CMIP: variants seen among roughly 807,000 people sequenced by gnomAD.
CMIP encodes C-Maf-inducing protein.
Under a neutral mutation model 97.3 loss-of-function variants are expected in CMIP, and 13 were observed. The observed-to-expected ratio is 0.13, with a 90% CI of 0.09 to 0.21. The LOEUF is 0.21. CMIP is among the 10% of genes least tolerant of loss of function. The probability of loss-of-function intolerance (pLI) is 1.00; values close to 1 mark genes in which losing one functional copy is unlikely to be tolerated. For synonymous variants in CMIP, 538 were observed against 436.3 expected (o/e 1.23, Z -2.91); for missense variants, 847 against 1,024.9 (o/e 0.83, Z 2.37).
intron 1 of CMIP, among the ~76,000 whole-genome samples, chr16:81,556,415 G>A (rs375189306): frequency 2.0e-5 from 3 of 152,228 alleles, no homozygotes; most frequent in African/African-American, 7.2e-5. Flanking sequence ...AAAATTGATG[G>A]ATCACATAGT....
chr16:81,551,944 T>C (rs1174997848), intron 1 of CMIP, among the ~76,000 whole-genome samples: 2 of 152,224 alleles, frequency 1.3e-5, no homozygotes, highest in Non-Finnish European at 2.9e-5. Context: ...TCAGTCACCA[T>C]GGACGCTGTT....
intron 1 of CMIP, among the ~76,000 whole-genome samples, chr16:81,542,898 C>T (rs1248921929): frequency 2.6e-5 from 4 of 152,234 alleles, no homozygotes; most frequent in Non-Finnish European, 4.4e-5. Context: ...TCCATAGCAC[C>T]GTCCCTAGCA....
intron 3 of CMIP, among the ~76,000 whole-genome samples, chr16:81,625,121 T>A (rs143992697): frequency 6.6e-6 from 1 of 152,274 alleles, no homozygotes; most frequent in African/African-American, 2.4e-5. Flanking sequence ...CATCTTTGCC[T>A]CTTTCTCTGA....
chr16:81,594,079 C>T (rs1177923773), intron 1 of CMIP, among the ~76,000 whole-genome samples: 1 of 103,022 alleles, frequency 9.7e-6, no homozygotes, highest in African/African-American at 3.9e-5. Context: ...CCCTCTTCCC[C>T]CGCTCCTCCT....
At chr16:81,455,464 G>C (rs1597445357) in intron 1 of CMIP, among the ~76,000 whole-genome samples, 1 of 152,256 alleles carries the variant, frequency 6.6e-6, no homozygotes, top group African/African-American at 2.4e-5. Flanking sequence ...GACCCACGGA[G>C]AGGGAGGCGC....
At chr16:81,446,003 C>T (rs1905817499) in intron 1 of CMIP, among the ~76,000 whole-genome samples, 1 of 152,078 alleles carries the variant, frequency 6.6e-6, no homozygotes, top group South Asian at 2.1e-4. Flanking sequence ...CCTCCAAACC[C>T]CCAAACCCAA....
chr16:81,698,760 C>G (rs1038546519), intron 14 of CMIP, among the ~76,000 whole-genome samples: 2 of 152,170 alleles, frequency 1.3e-5, no homozygotes, highest in Non-Finnish European at 2.9e-5. Flanking sequence ...TACACACTGA[C>G]TCCCCCTTCC....
intron 1 of CMIP, among the ~76,000 whole-genome samples, chr16:81,468,295 C>T (rs1315600993): frequency 6.6e-6 from 1 of 152,228 alleles, no homozygotes; most frequent in African/African-American, 2.4e-5. Flanking sequence ...TCCCACTGCC[C>T]ACTCAGACCC....
Position 81,528,076 on chromosome 16 carries a change from A to G in CMIP, c.301-79491A>G, listed in dbSNP as rs151197422. 2.7e-3 allele frequency among the ~76,000 whole-genome samples: 416 copies of G among 152,316 alleles called. 2 individuals carry two copies. The highest frequency in any genetic ancestry group is 9.3e-3 in the African/African-American group (388 of 41,582). On this transcript the variant is annotated intron_variant, in intron 1 of 20. Transcript: ENST00000537098. ...GGTGATTTCTGGTTGCTTCATATCT[A>G]TGCCAACTTGTTATTGTCAGTCTTT...
At chr16:81,686,324 G>A (rs1207889138) in intron 10 of CMIP, among the ~76,000 whole-genome samples, 1 of 152,262 alleles carries the variant, frequency 6.6e-6, no homozygotes, top group East Asian at 1.9e-4. Context: ...GGGCATAAAG[G>A]GGTCTCCATG....
Position 81,701,644 on chromosome 16 carries a change from C to G in CMIP, c.1756-16C>G. 6.2e-7 allele frequency: 1 copy of G among 1,613,764 alleles called. No homozygotes were observed. The highest frequency in any genetic ancestry group is 8.5e-7 in the Non-Finnish European group (1 of 1,179,810). On this transcript the variant is annotated splice_polypyrimidine_tract_variant and intron_variant, in intron 15 of 20. Coordinates refer to ENST00000537098, the MANE Select transcript of CMIP (RefSeq NM_198390.3). ...GGCAGGCCGGGTCCGTAATGCACCC[C>G]TGCGGTTCTGGACAGATCCTGTGCT... is the stretch of plus-strand genomic sequence containing the variant.
chr16:81,642,555 A>G (rs922051590), intron 3 of CMIP, among the ~76,000 whole-genome samples: 1 of 152,226 alleles, frequency 6.6e-6, no homozygotes, highest in African/African-American at 2.4e-5. Flanking sequence ...GGGACAGGGC[A>G]AAAAGCAACA....
intron 10 of CMIP, among the ~76,000 whole-genome samples, chr16:81,686,087 A>T (rs1394476438): frequency 2.6e-5 from 4 of 152,234 alleles, no homozygotes; most frequent in African/African-American, 9.6e-5. Flanking sequence ...GCACCCGCCC[A>T]GCCAAGTTGC....
chr16:81,533,105 AT>A, intron 1 of CMIP, among the ~76,000 whole-genome samples: 1 of 152,178 alleles, frequency 6.6e-6, no homozygotes, highest in East Asian at 1.9e-4. Context: ...CACTCCCACA[AT>A]TTTTTATTTC....
At chr16:81,672,228 T>G (rs1272255022) in intron 9 of CMIP, among the ~76,000 whole-genome samples, 158 bp downstream of exon 9, 1 of 152,144 alleles carries the variant, frequency 6.6e-6, no homozygotes, top group East Asian at 1.9e-4. Context: ...CTGGGCACAT[T>G]GATTCATGGG....
At chr16:81,596,158 A>G (rs1250415557) in intron 1 of CMIP, among the ~76,000 whole-genome samples, 8 of 152,164 alleles carry the variant, frequency 5.3e-5, no homozygotes, top group African/African-American at 1.9e-4. Flanking sequence ...CGACTTGCCT[A>G]AGGCCAAGTT....
chr16:81,544,128 G>A (rs544363868), intron 1 of CMIP, among the ~76,000 whole-genome samples: 60 of 152,334 alleles, frequency 3.9e-4, no homozygotes, highest in Non-Finnish European at 7.2e-4. Context: ...GGACACGCAG[G>A]GGTCCCCCCG....
intron 14 of CMIP, among the ~76,000 whole-genome samples, chr16:81,698,284 C>T: frequency 6.6e-6 from 1 of 152,198 alleles, no homozygotes; most frequent in Non-Finnish European, 1.5e-5. Context: ...GAGGCCTCCC[C>T]CCAGCCCCGG....
At chr16:81,446,843 G>C (rs1479014104) in intron 1 of CMIP, among the ~76,000 whole-genome samples, 1 of 149,022 alleles carries the variant, frequency 6.7e-6, no homozygotes, top group Non-Finnish European at 1.5e-5. Context: ...CTTTGAACCA[G>C]TCCCCCACCC....
Sources: gnomAD v4.1 joint callset for allele counts (sites outside exome capture counted in the v4.1 genomes callset) on GRCh38, gnomAD v4.1.1 for gene constraint, MANE v1.5 for transcripts, NCBI Gene and HGNC (gene_info 2026-07-23, HGNC 2026-07-21) for gene names.